ST7L: variants seen among roughly 807,000 people sequenced by gnomAD.
ST7L encodes the protein suppressor of tumorigenicity 7 protein-like.
Under a neutral mutation model 72.5 loss-of-function variants are expected in ST7L, and 57 were observed. The ratio of observed to expected loss-of-function variants is 0.79; its 90% CI spans 0.64 to 0.98. The LOEUF (loss-of-function observed/expected upper bound fraction) is 0.98, where lower values mean the gene tolerates loss of function less well. Ranked by LOEUF, ST7L falls within the 50% of genes least tolerant of loss-of-function variation. The pLI is 0.00. For missense variants in ST7L, 576 were observed against 672.2 expected, an observed-to-expected ratio of 0.86 and a Z score of 1.58; for synonymous variants, 221 against 240.9, an observed-to-expected ratio of 0.92 and a Z score of 0.77.
intron 11 of ST7L, among the ~76,000 whole-genome samples, chr1:112,566,638 T>TA (rs1271995916): frequency 1.3e-5 from 2 of 152,154 alleles, no homozygotes. Context: ...TTCTCCTTTC[T>TA]AGTTAATGAA....
At chr1:112,530,571 C>T (rs1337508107) in intron 14 of ST7L, among the ~76,000 whole-genome samples, 2 of 152,200 alleles carry the variant, frequency 1.3e-5, no homozygotes, top group East Asian at 1.9e-4. Context: ...CCTGCCACCA[C>T]ATCAGGCTAA....
chr1:112,576,367 T>C (rs192178623), intron 11 of ST7L, among the ~76,000 whole-genome samples: 65 of 152,264 alleles, frequency 4.3e-4, no homozygotes, highest in Non-Finnish European at 5.4e-4. Flanking sequence ...GTTGAGATTA[T>C]AGGCATGAGC....
chr1:112,569,217 T>A (rs538526109), intron 11 of ST7L, among the ~76,000 whole-genome samples: 21 of 152,142 alleles, frequency 1.4e-4, no homozygotes, highest in Non-Finnish European at 2.8e-4. Context: ...CACTTCTAGG[T>A]GTATACTTGA....
intron 11 of ST7L, among the ~76,000 whole-genome samples, chr1:112,558,810 AT>A (rs939617306): frequency 6.6e-6 from 1 of 151,950 alleles, no homozygotes; most frequent in Non-Finnish European, 1.5e-5. Flanking sequence ...ATCCTTGCCC[AT>A]TTTTTTTAAA....
At chr1:112,539,770 T>TA in intron 14 of ST7L, 1 of 985,130 alleles carries the variant, frequency 1.0e-6, no homozygotes, top group Non-Finnish European at 1.2e-6. Context: ...CCTGCACAAA[T>TA]ATTGGTTTGC....
intron 1 of ST7L, chr1:112,618,675 G>T: frequency 1.2e-6 from 1 of 819,606 alleles, no homozygotes; most frequent in South Asian, 2.3e-5. Context: ...ATGGAAAAAC[G>T]AGGACATAAG....
chr1:112,611,034 G>T, intron 2 of ST7L, 31 bp from the exon 3 acceptor site: 1 of 1,606,932 alleles, frequency 6.2e-7, no homozygotes, highest in Non-Finnish European at 8.5e-7. Context: ...CCTGCACTTA[G>T]AATCGATCAG....
chr1:112,617,130 A>G (rs1670005792), intron 1 of ST7L: 2 of 270,594 alleles, frequency 7.4e-6, no homozygotes, highest in African/African-American at 2.3e-5. Flanking sequence ...TAAAGCACTT[A>G]TAAGTCATAA....
chr1:112,613,934 T>C (rs991312269), intron 2 of ST7L, among the ~76,000 whole-genome samples: 1 of 152,166 alleles, frequency 6.6e-6, no homozygotes, highest in Non-Finnish European at 1.5e-5. Context: ...CTTGTTCATT[T>C]GTCCAGGCTG....
chr1:112,599,013 T>C (rs1405353595), intron 4 of ST7L, among the ~76,000 whole-genome samples: 1 of 131,140 alleles, frequency 7.6e-6, no homozygotes, highest in African/African-American at 2.9e-5. Flanking sequence ...TGAACCAAGA[T>C]CATACAACTG....
intron 12 of ST7L, among the ~76,000 whole-genome samples, chr1:112,550,977 G>T (rs1658026317): frequency 6.6e-6 from 1 of 151,750 alleles, no homozygotes; most frequent in Admixed American, 6.6e-5. Context: ...AAACACAATT[G>T]ATAATTCCAA....
the ST7L span, chr1:112,518,496 C>T: frequency 6.6e-6 from 1 of 152,200 alleles, no homozygotes; most frequent in Non-Finnish European, 1.5e-5. Flanking sequence ...AGAAAGTAGT[C>T]TGTATACTTT....
At chr1:112,544,537 A>C (rs980308032) in intron 13 of ST7L, among the ~76,000 whole-genome samples, 1 of 152,246 alleles carries the variant, frequency 6.6e-6, no homozygotes, top group Non-Finnish European at 1.5e-5. Flanking sequence ...CCTGTCCCTC[A>C]GCCATGAGAG....
Position 112,619,092 on chromosome 1 carries a change from C to A in ST7L, c.22G>T (p.Gly8Cys), listed in dbSNP as rs772794472. Residue 8 changes from glycine to cysteine, a missense_variant, in exon 1 of 15, where the codon GGT becomes TGT. This residue lies in a region of ST7L where 56 missense variants were observed against 45.8 expected (regional missense o/e 1.22). Transcript: ENST00000358039. ...GACGCTCCAACAGCTGCGGCTTCAC[C>A]CACGCCGCCACGGTCCGCCATCTTG... Reference protein sequence around the residue: MADRGGVGEAAAVGASPA... With the variant: MADRGGVCEAAAVGASPA... The A allele has an allele frequency of 6.2e-7, 1 of 1,613,380 alleles. No homozygotes were observed. Among genetic ancestry groups the A allele is most frequent in the Non-Finnish European group, 8.5e-7 (1 of 1,179,876 alleles).
In ST7L at chr1:112,550,013, C is replaced by A. The variant is rs535968987; in HGVS notation, c.1489+588G>T. Among the ~76,000 whole-genome samples, 4 of 152,114 alleles carry A rather than the reference C, an allele frequency of 2.6e-5. No homozygotes were observed. The South Asian group carries it at 8.3e-4, about 32-fold the overall frequency. On this transcript the variant is annotated intron_variant, in intron 13 of 14. Transcript: ENST00000358039. ...TTTTTCTTTTTATCTTGAATGAGAG[C>A]CAGATTTTGTCAAATGCTTTTTCTG... is the stretch of plus-strand genomic sequence containing the variant.
At chr1:112,585,196 G>A (rs2101900644) in intron 6 of ST7L, among the ~76,000 whole-genome samples, 1 of 152,262 alleles carries the variant, frequency 6.6e-6, no homozygotes, top group South Asian at 2.1e-4. Context: ...GAAACAAAAT[G>A]TTGTTATTCC....
intron 14 of ST7L, among the ~76,000 whole-genome samples, chr1:112,537,475 G>T (rs1170998025): frequency 6.6e-6 from 1 of 152,170 alleles, no homozygotes; most frequent in Non-Finnish European, 1.5e-5. Context: ...TCTTGCAAGA[G>T]AAATTAAAGG....
At chr1:112,582,905 G>A (rs1272037247) in intron 7 of ST7L, among the ~76,000 whole-genome samples, 1 of 152,060 alleles carries the variant, frequency 6.6e-6, no homozygotes, top group Non-Finnish European at 1.5e-5. Context: ...AACAAAAAAT[G>A]TCCAAAACAA....
At chr1:112,598,222 G>C (rs1040570264) in intron 4 of ST7L, 136 bp from the exon 5 acceptor site, 15 of 541,004 alleles carry the variant, frequency 2.8e-5, no homozygotes, top group Non-Finnish European at 4.6e-5. Context: ...TAAAACAAAA[G>C]ATAACCTCAC....
Sources: allele counts gnomAD v4.1 joint callset (sites outside exome capture counted in the v4.1 genomes callset), GRCh38; gene constraint gnomAD v4.1.1; regional missense constraint gnomAD v4.1.1; transcripts MANE v1.5; gene names NCBI Gene and HGNC (gene_info 2026-07-23, HGNC 2026-07-21).